Variants in ZFAT observed in about 807,000 individuals in gnomAD.
ZFAT encodes the protein zinc finger and AT-hook domain containing, also known as zinc finger protein ZFAT.
In ZFAT, 64 loss-of-function variants were observed where a neutral mutation model predicts 117.7. The observed-to-expected ratio is 0.54, with a 90% confidence interval of 0.44 to 0.67. ZFAT has a LOEUF of 0.67. ZFAT is among the 30% of genes least tolerant of loss of function. The pLI, the probability that ZFAT is intolerant of heterozygous loss-of-function variation, is 0.00. For synonymous variants in ZFAT, 679 were observed against 615.0 expected, an observed-to-expected ratio of 1.10 and a Z score of -1.54; for missense variants, 1,433 against 1,584.5, an observed-to-expected ratio of 0.90 and a Z score of 1.62.
rs1814080976 is a variant in ZFAT at position 134,712,936 on chromosome 8, C to T, written c.-73G>A. 2 of 1,433,446 alleles carry T rather than the reference C, an allele frequency of 1.4e-6. No individual in the cohort carries two copies. Among genetic ancestry groups the T allele is most frequent in the South Asian group, 1.4e-5 (1 of 72,514 alleles). 88.8% of individuals were successfully genotyped at this position (1,433,446 alleles called of 1,614,324 possible). On this transcript the variant is annotated 5_prime_UTR_variant, in exon 1 of 16. Transcript: ENST00000377838. ...CCCCCTCCCGTGCCGACCGAGGGGG[C>T]GGGGCGCCCTGCTGACGCTTCGCTT...
chr8:134,816,515 A>G, the ZFAT span, among the ~76,000 whole-genome samples: 30 of 152,172 alleles, frequency 2.0e-4, no homozygotes, highest in African/African-American at 7.0e-4. Flanking sequence ...AAGTAACAAC[A>G]TTAGGACTTT....
chr8:134,564,099 G>C (rs1421938290), intron 11 of ZFAT, among the ~76,000 whole-genome samples: 1 of 149,946 alleles, frequency 6.7e-6, no homozygotes, highest in East Asian at 2.0e-4. Context: ...AGGTTGCAGT[G>C]AGCCAAGATC....
intron 15 of ZFAT, among the ~76,000 whole-genome samples, chr8:134,497,058 G>C (rs188923287): frequency 6.6e-6 from 1 of 152,216 alleles, no homozygotes; most frequent in Non-Finnish European, 1.5e-5. Context: ...CGGATCTTGC[G>C]CCTCCCACAG....
At chr8:134,749,497 A>G in the ZFAT span, among the ~76,000 whole-genome samples, 2 of 152,172 alleles carry the variant, frequency 1.3e-5, no homozygotes, top group Non-Finnish European at 2.9e-5. Flanking sequence ...TTATAAGGGC[A>G]TTAATACCAC....
At chr8:134,593,637 G>C (rs1052398565) in intron 7 of ZFAT, among the ~76,000 whole-genome samples, 2 of 152,208 alleles carry the variant, frequency 1.3e-5, no homozygotes, top group Non-Finnish European at 1.5e-5. Flanking sequence ...TGGGGTGCAG[G>C]GTCAGCCCCA....
At chr8:134,675,138 G>A (rs777082560) in intron 1 of ZFAT, among the ~76,000 whole-genome samples, 6 of 152,184 alleles carry the variant, frequency 3.9e-5, no homozygotes, top group Non-Finnish European at 7.4e-5. Context: ...GCTTCAGAAG[G>A]TGGGTAATAA....
the ZFAT span, among the ~76,000 whole-genome samples, chr8:134,804,449 G>C: frequency 6.6e-6 from 1 of 152,180 alleles, no homozygotes; most frequent in African/African-American, 2.4e-5. Flanking sequence ...TTAAGTATAG[G>C]GAAAGCTGAA....
the ZFAT span, among the ~76,000 whole-genome samples, chr8:134,761,431 G>T: frequency 6.6e-6 from 1 of 151,926 alleles, no homozygotes; most frequent in Non-Finnish European, 1.5e-5. Flanking sequence ...GCCAGGCATG[G>T]TGGCTCACAC....
At chr8:134,805,006 T>C in the ZFAT span, 17 of 493,966 alleles carry the variant, frequency 3.4e-5, no homozygotes, top group East Asian at 7.8e-4. Context: ...AGTCATCATC[T>C]TCAGCTAATA....
At chr8:134,568,324 G>GT (rs1824627417) in intron 10 of ZFAT, among the ~76,000 whole-genome samples, 1 of 152,194 alleles carries the variant, frequency 6.6e-6, no homozygotes, top group African/African-American at 2.4e-5. Context: ...AAAAAATACA[G>GT]TAACATCTTC....
chr8:134,577,408 T>C lies in ZFAT; in HGVS notation c.2887+6424A>G, dbSNP rs1485951066. ...TAATTGTAATTATTCAATTCCTTTT[T>C]ACTTCATTAAAAAATGCCCAAGAAG... On this transcript the variant is annotated intron_variant, in intron 10 of 15. Transcript: ENST00000377838. Among the ~76,000 whole-genome samples, 3 of 152,358 alleles carry C rather than the reference T, an allele frequency of 2.0e-5. No homozygotes were observed. In the East Asian group the frequency reaches 5.8e-4, roughly 29 times the overall value.
chr8:134,653,540 C>T (rs1386320364), intron 2 of ZFAT, among the ~76,000 whole-genome samples: 1 of 143,432 alleles, frequency 7.0e-6, no homozygotes, highest in Admixed American at 7.4e-5. Flanking sequence ...GCTAGGATTA[C>T]AGGCATAAGC....
At chr8:134,797,023 A>C in the ZFAT span, 1 of 152,180 alleles carries the variant, frequency 6.6e-6, no homozygotes, top group African/African-American at 2.4e-5. Flanking sequence ...AGATTGAATG[A>C]CCATTTAGAA....
At chr8:134,799,397 C>G in the ZFAT span, among the ~76,000 whole-genome samples, 4 of 151,308 alleles carry the variant, frequency 2.6e-5, no homozygotes, top group African/African-American at 9.7e-5. Context: ...GGATGTATCA[C>G]CAAAAAAAGA....
chr8:134,775,269 T>A, the ZFAT span, among the ~76,000 whole-genome samples: 1 of 152,234 alleles, frequency 6.6e-6, no homozygotes, highest in Non-Finnish European at 1.5e-5. Context: ...GGCCTGATTA[T>A]CTCTGATTGT....
chr8:134,743,004 T>C, the ZFAT span, among the ~76,000 whole-genome samples: 1 of 152,192 alleles, frequency 6.6e-6, no homozygotes, highest in Admixed American at 6.5e-5. Flanking sequence ...ACAAAGTCCA[T>C]TGGACTGTCA....
At chr8:134,532,994 G>T (rs749896211) in intron 11 of ZFAT, 22 bp from the exon 12 acceptor site, 22 of 1,584,542 alleles carry the variant, frequency 1.4e-5, no homozygotes, top group Non-Finnish European at 1.8e-5. Context: ...ATGAGGAGGG[G>T]TTAGGAAAGG....
intron 15 of ZFAT, among the ~76,000 whole-genome samples, chr8:134,485,159 G>A (rs1335582222): frequency 6.6e-6 from 1 of 152,184 alleles, no homozygotes; most frequent in African/African-American, 2.4e-5. Context: ...AGACTCAGGG[G>A]AGGATGACAA....
chr8:134,567,208 C>G (rs1217896389), intron 10 of ZFAT, among the ~76,000 whole-genome samples: 1 of 152,190 alleles, frequency 6.6e-6, no homozygotes, highest in Non-Finnish European at 1.5e-5. Context: ...CTCCAGCCTT[C>G]CCAGTTTATC....
Sources: gnomAD v4.1 joint callset for allele counts (sites outside exome capture counted in the v4.1 genomes callset) on GRCh38, gnomAD v4.1.1 for gene constraint, MANE v1.5 for transcripts, NCBI Gene and HGNC (gene_info 2026-07-23, HGNC 2026-07-21) for gene names.